RGS3: variants seen among roughly 807,000 people sequenced by gnomAD.
RGS3 encodes regulator of G-protein signalling 3.
Under a neutral mutation model 132.6 loss-of-function variants are expected in RGS3, and 80 were observed. That is an observed-to-expected ratio of 0.60 (90% CI 0.50 to 0.73). The LOEUF is 0.73. RGS3 is among the 30% of genes least tolerant of loss of function. The pLI is 0.00. For synonymous variants in RGS3, 598 were observed against 620.6 expected, an observed-to-expected ratio of 0.96 and a Z score of 0.54; for missense variants, 1,382 against 1,530.8, an observed-to-expected ratio of 0.90 and a Z score of 1.62.
chr9:113,452,203 A>G (rs1161971878), intron 1 of RGS3, among the ~76,000 whole-genome samples: 1 of 151,916 alleles, frequency 6.6e-6, no homozygotes, highest in Non-Finnish European at 1.5e-5. Flanking sequence ...TCTTGCTATT[A>G]TTTATATACA....
chr9:113,536,583 C>T, intron 18 of RGS3: 1 of 1,379,010 alleles, frequency 7.3e-7, no homozygotes, highest in Non-Finnish European at 9.4e-7. Flanking sequence ...CCTGTGGGCC[C>T]ACAGCTCGCC....
intron 14 of RGS3, among the ~76,000 whole-genome samples, chr9:113,510,582 G>C (rs1451061774): frequency 2.6e-5 from 4 of 152,186 alleles, no homozygotes; most frequent in African/African-American, 9.7e-5. Flanking sequence ...CACACAGGCT[G>C]GTGTCTGGGG....
Position 113,591,295 on chromosome 9 carries a change from G to C in RGS3, c.3016-38G>C. 2.5e-6 allele frequency: 4 copies of C among 1,595,582 alleles called. No individual in the cohort carries two copies. Among genetic ancestry groups the C allele is most frequent in the South Asian group, 2.2e-5 (2 of 90,672 alleles). Reference sequence around the variant, plus strand: ...CTGTTTACTTAGGCAGGAGTTCCTGGGTGCCCAGACTGCATCGTGTCTGTC... The same window carrying C: ...CTGTTTACTTAGGCAGGAGTTCCTGCGTGCCCAGACTGCATCGTGTCTGTC... On this transcript the variant is annotated intron_variant, in intron 20 of 24. Transcript: ENST00000350696. The surrounding 1 kb of genome is among the most constrained non-coding windows in gnomAD (Gnocchi z 4.4).
At chr9:113,581,201 C>A (rs556468100) in intron 19 of RGS3, 2 of 163,928 alleles carry the variant, frequency 1.2e-5, no homozygotes, top group Non-Finnish European at 1.3e-5. Flanking sequence ...TTGAGAAGAA[C>A]AGGGCCAGAA....
chr9:113,553,749 AG>A (rs1833455956), intron 19 of RGS3, among the ~76,000 whole-genome samples: 1 of 151,524 alleles, frequency 6.6e-6, no homozygotes, highest in African/African-American at 2.4e-5. Flanking sequence ...AGCCTGAGGC[AG>A]GAGAATCACT....
intron 3 of RGS3, among the ~76,000 whole-genome samples, chr9:113,472,350 C>T (rs1829860306): frequency 6.6e-6 from 1 of 152,040 alleles, no homozygotes; most frequent in Non-Finnish European, 1.5e-5. Flanking sequence ...TCATAGTAGC[C>T]AAAAAGTCGA....
At chr9:113,549,559 A>G (rs544123800) in intron 19 of RGS3, among the ~76,000 whole-genome samples, 45 of 152,360 alleles carry the variant, frequency 3.0e-4, no homozygotes, top group African/African-American at 1.0e-3. Flanking sequence ...CAGGAGAAGA[A>G]AATGAAGTTC....
chr9:113,591,565 A>C lies in RGS3; in HGVS notation c.3080+168A>C, dbSNP rs1458942098. ...ATCTTGGAACTTTGCAGTGACCCCA[A>C]AGTGGGGTCACCTGGGTCCTGAGCA... is the stretch of plus-strand genomic sequence containing the variant. On this transcript the variant is annotated intron_variant, in intron 21 of 24. Coordinates refer to ENST00000350696, the Ensembl canonical transcript of RGS3. This position sits in a 1 kb window ranked among gnomAD's most constrained non-coding sequence, Gnocchi z 4.4. 7 of 634,086 alleles carry C rather than the reference A, an allele frequency of 1.1e-5. No individual in the cohort carries two copies. Among genetic ancestry groups the C allele is most frequent in the East Asian group, 8.4e-5 (3 of 35,812 alleles). 39.3% of individuals were successfully genotyped at this position (634,086 alleles called of 1,614,324 possible). A position where few individuals can be genotyped will look rare whatever the true frequency, so the allele number is the denominator to read the frequency against.
In RGS3 at chr9:113,591,002, A is replaced by G. The variant is rs901375910; in HGVS notation, c.3016-331A>G. ...GAGAGGGGCAGGGATTGGCCTAGTG[A>G]CACAGCAGAAGCCCTGCCCTCTCAC... On this transcript the variant is annotated intron_variant, in intron 20 of 24. Coordinates refer to ENST00000350696, the Ensembl canonical transcript of RGS3. This position sits in a 1 kb window ranked among gnomAD's most constrained non-coding sequence, Gnocchi z 4.4. Among the ~76,000 whole-genome samples, 1 of 152,228 alleles carries G rather than the reference A, an allele frequency of 6.6e-6. No homozygotes were observed. Among genetic ancestry groups the G allele is most frequent in the African/African-American group, 2.4e-5 (1 of 41,472 alleles).
chr9:113,497,274 C>T (rs780787579), intron 8 of RGS3, 40 bp from the exon 7 acceptor site: 7 of 1,523,426 alleles, frequency 4.6e-6, no homozygotes, highest in Non-Finnish European at 6.4e-6. Flanking sequence ...TGTGCTTCTG[C>T]CTCCTGTGTC....
At chr9:113,569,247 C>T (rs760259015) in intron 19 of RGS3, among the ~76,000 whole-genome samples, 3 of 152,126 alleles carry the variant, frequency 2.0e-5, no homozygotes, top group Non-Finnish European at 4.4e-5. Context: ...TGGGGTTAGC[C>T]TTGGGCAAAT....
At chr9:113,501,339 A>G in intron 10 of RGS3, 1 of 1,177,338 alleles carries the variant, frequency 8.5e-7, no homozygotes, top group Non-Finnish European at 1.1e-6. Flanking sequence ...CAGGAATTTT[A>G]ATATAAAACT....
intron 8 of RGS3, among the ~76,000 whole-genome samples, chr9:113,496,782 C>T (rs922501325): frequency 6.6e-6 from 1 of 152,144 alleles, no homozygotes; most frequent in Non-Finnish European, 1.5e-5. Flanking sequence ...AACTCCTGAC[C>T]TCAGGTGATC....
intron 19 of RGS3, chr9:113,541,748 TGGGGGCAGCA>T (rs1486925100): frequency 9.7e-7 from 1 of 1,033,256 alleles, no homozygotes; most frequent in Non-Finnish European, 1.2e-6. Context: ...GGACCTGCCT[TGGGGGCAGCA>T]GGAGAGGTTG....
chr9:113,522,200 G>A (rs952935401), intron 16 of RGS3: 2 of 152,258 alleles, frequency 1.3e-5, no homozygotes, highest in African/African-American at 2.4e-5. Context: ...GTCCATGTCT[G>A]TACTAGAGTG....
At chr9:113,543,520 C>G (rs765100798) in intron 19 of RGS3, among the ~76,000 whole-genome samples, 3 of 152,066 alleles carry the variant, frequency 2.0e-5, no homozygotes, top group African/African-American at 7.2e-5. Context: ...GCTCAGCCCG[C>G]GGGGGGGATT....
intron 9 of RGS3, among the ~76,000 whole-genome samples, chr9:113,497,734 C>A (rs1830733205): frequency 6.6e-6 from 1 of 152,178 alleles, no homozygotes; most frequent in South Asian, 2.1e-4. Context: ...GGCTGCCTTG[C>A]TCATCTTGGG....
chr9:113,539,588 G>C (rs924743914), intron 19 of RGS3, among the ~76,000 whole-genome samples: 1 of 152,102 alleles, frequency 6.6e-6, no homozygotes, highest in Non-Finnish European at 1.5e-5. Flanking sequence ...TCTTTCTGTG[G>C]ATGCTCCACC....
chr9:113,548,030 TA>T (rs1272420050), intron 19 of RGS3, among the ~76,000 whole-genome samples: 2 of 152,198 alleles, frequency 1.3e-5, no homozygotes, highest in Non-Finnish European at 2.9e-5. Context: ...AATCAATACT[TA>T]GGTGGACTTT....
Sources: gnomAD v4.1 joint callset for allele counts (sites outside exome capture counted in the v4.1 genomes callset) on GRCh38, gnomAD v4.1.1 for gene constraint, Gnocchi (gnomAD v3.1) non-coding constraint, MANE v1.5 for transcripts, NCBI Gene and HGNC (gene_info 2026-07-23, HGNC 2026-07-21) for gene names.